Variants in CRAT observed in about 807,000 individuals in gnomAD.
The protein encoded by CRAT is carnitine O-acetyltransferase.
A neutral mutation model predicts 73.7 loss-of-function variants in CRAT; 66 were observed. The observed-to-expected ratio is 0.90, with a 90% confidence interval of 0.73 to 1.10. The LOEUF is 1.10. CRAT is among the 50% of genes least tolerant of loss of function. The pLI is 0.00. For missense variants in CRAT, 745 were observed against 846.9 expected (o/e 0.88, Z 1.49); for synonymous variants, 321 against 343.2 (o/e 0.94, Z 0.71).
At chr9:129,108,840 C>T (rs927983793) in intron 1 of CRAT, 37 of 1,304,070 alleles carry the variant, frequency 2.8e-5, no homozygotes, top group Non-Finnish European at 3.6e-5. Context: ...GGCTGGATCT[C>T]TAAGCCTAAC....
chr9:129,105,221 A>G (rs1847945560), intron 2 of CRAT, among the ~76,000 whole-genome samples: 1 of 151,660 alleles, frequency 6.6e-6, no homozygotes, highest in Non-Finnish European at 1.5e-5. Context: ...ACAAATTCTC[A>G]TCTTACACAT....
Position 129,107,312 on chromosome 9 carries a change from G to GT in CRAT, c.291+501dup, listed in dbSNP as rs756516241. On this transcript the variant is annotated intron_variant, in intron 2 of 13. Coordinates refer to ENST00000318080, the MANE Select transcript of CRAT (RefSeq NM_000755.5). This position sits in a 1 kb window ranked among gnomAD's most constrained non-coding sequence, Gnocchi z 5.0. ...CTCCCAAAGTGCTGGGATTATAGGT[G>GT]TGAGTCACTGCATCCAGCTGCCACT... 3.6e-4 allele frequency: 133 copies of GT among 368,920 alleles called. No homozygotes were observed. Among genetic ancestry groups the GT allele is most frequent in the Admixed American group, 5.5e-4 (13 of 23,646 alleles). 22.9% of individuals were successfully genotyped at this position (368,920 alleles called of 1,614,324 possible).
rs3750337 is a variant in CRAT, at chr9:129,104,064, C to G, written c.410+124G>C. The stretch of plus-strand genomic sequence containing the variant: ...CCATTTGTAAAATAGGGAGGATGCT[C>G]CCTACTTCATAAGGCTGCTTGTGGG... On this transcript the variant is annotated intron_variant, in intron 3 of 13. Coordinates refer to ENST00000318080, the MANE Select transcript of CRAT (RefSeq NM_000755.5). The G allele has an allele frequency of 1.2e-3, 734 of 632,244 alleles. 7 individuals are homozygous for G. The East Asian group carries it at 0.014, about 12-fold the overall frequency. The allele number at this position is 632,244 out of a possible 1,614,324, so 39.2% of individuals were successfully genotyped here.
chr9:129,095,757 C>T, intron 13 of CRAT, 145 bp from the exon 14 acceptor site: 2 of 950,998 alleles, frequency 2.1e-6, no homozygotes, highest in Non-Finnish European at 3.1e-6. Context: ...GCAACCACTA[C>T]AGGCTGGCAC....
chr9:129,095,449 G>A lies in CRAT; in HGVS notation c.1829C>T (p.Ala610Val), dbSNP rs1283563840. Residue 610 changes from alanine (A) to valine (V), a missense_variant, in exon 14 of 14, where the codon GCG (alanine) becomes GTG (valine). Transcript: ENST00000318080. ...CAGCAGGGCACGCATGTCCAGGAGC[G>A]CCTTCTCCAGGTAATGCGCCAGGCG... ...AARLAHYLEK[A>V]LLDMRALLQS... 29 of 1,613,040 alleles carry A rather than the reference G, an allele frequency of 1.8e-5. No individual in the cohort carries two copies. The highest frequency in any genetic ancestry group is 8.9e-5 in the East Asian group (4 of 44,904).
intron 13 of CRAT, 37 bp downstream of exon 13, chr9:129,095,961 G>A (rs1247424390): frequency 1.2e-6 from 2 of 1,613,062 alleles, no homozygotes; most frequent in East Asian, 4.5e-5. Flanking sequence ...TGGGTTCTCT[G>A]CCTCCAGCCC....
At chr9:129,101,840 A>G (rs1413231338) in intron 6 of CRAT, 43 bp downstream of exon 6, 2 of 1,596,626 alleles carry the variant, frequency 1.3e-6, no homozygotes, top group South Asian at 1.1e-5. Flanking sequence ...CAACAGGGGA[A>G]GAGGCCTGGG....
chr9:129,095,482 T>G lies in CRAT; in HGVS notation c.1796A>C (p.Asn599Thr). 6.2e-7 allele frequency: 1 copy of G among 1,613,406 alleles called. No individual in the cohort carries two copies. The highest frequency in any genetic ancestry group is 8.5e-7 in the Non-Finnish European group (1 of 1,179,980). The change falls in exon 14 of 14, where the codon AAC becomes ACC. Residue 599 changes from asparagine to threonine, a missense_variant. Transcript: ENST00000318080. ...CAGGTAATGCGCCAGGCGGGCGGCG[T>G]TGGTCTCCGCGCAGCTGTTGTAGGC... is the stretch of plus-strand genomic sequence containing the variant. ...LSAYNSCAET[N>T]AARLAHYLEK...
intron 1 of CRAT, chr9:129,108,346 G>A: frequency 8.1e-7 from 1 of 1,232,114 alleles, no homozygotes; most frequent in Non-Finnish European, 1.0e-6. Flanking sequence ...CGGCACCTTT[G>A]GGGTGGCAGA....
At chr9:129,108,680 G>A (rs2131499654) in intron 1 of CRAT, 1 of 1,279,636 alleles carries the variant, frequency 7.8e-7, no homozygotes, top group Middle Eastern at 2.9e-4. Context: ...GAAAGTCCAG[G>A]AGGCCCTGGA....
In CRAT at chr9:129,095,741, A is replaced by G. The variant is rs984874386; in HGVS notation, c.1666-129T>C. ...GGGATCATGGTCTGTCCCCTGCTATATCCCAGCAACCACTACAGGCTGGCA... is the reference window on the plus strand; with the variant it reads ...GGGATCATGGTCTGTCCCCTGCTATGTCCCAGCAACCACTACAGGCTGGCA... On this transcript the variant is annotated intron_variant, in intron 13 of 13. Coordinates refer to ENST00000318080, the MANE Select transcript of CRAT (RefSeq NM_000755.5). 1.2e-5 allele frequency: 12 copies of G among 1,023,070 alleles called. No individual in the cohort carries two copies. The African/African-American group carries it at 1.8e-4, about 15-fold the overall frequency. The allele number at this position is 1,023,070 out of a possible 1,614,324, so 63.4% of individuals were successfully genotyped here.
At chr9:129,104,945 C>T (rs1177970721) in intron 2 of CRAT, among the ~76,000 whole-genome samples, 16 of 118,634 alleles carry the variant, frequency 1.3e-4, no homozygotes, top group African/African-American at 1.9e-4. Context: ...CTGTCCCCCA[C>T]GCTGGAGTGC....
chr9:129,109,539 G>A (rs1848250924), intron 1 of CRAT, among the ~76,000 whole-genome samples: 1 of 152,208 alleles, frequency 6.6e-6, no homozygotes, highest in Non-Finnish European at 1.5e-5. Context: ...GGGACTCTGG[G>A]CAAGTCCCTC....
chr9:129,095,485 G>A lies in CRAT; in HGVS notation c.1793C>T (p.Thr598Ile), dbSNP rs1847219889. 2 of 1,613,366 alleles carry A rather than the reference G, an allele frequency of 1.2e-6. No homozygotes were observed. The highest frequency in any genetic ancestry group is 2.7e-5 in the African/African-American group (2 of 74,934). The change falls in exon 14 of 14, where the codon ACC becomes ATC. Residue 598 changes from threonine to isoleucine, a missense_variant. Coordinates refer to ENST00000318080, the MANE Select transcript of CRAT (RefSeq NM_000755.5). Reference protein sequence around the residue: ...SLSAYNSCAETNAARLAHYLE... With the variant: ...SLSAYNSCAEINAARLAHYLE... ...GTAATGCGCCAGGCGGGCGGCGTTG[G>A]TCTCCGCGCAGCTGTTGTAGGCCGA...
At position 129,103,852 on chromosome 9, in the gene CRAT, T is replaced by C. The variant is rs1038508811; in HGVS notation, c.410+336A>G. ...TACAGAGGTCACCCCTGTGGCTAGC[T>C]GAGAAGAGTGGAAAGGAGAGGTGAA... On this transcript the variant is annotated intron_variant, in intron 3 of 13. Transcript: ENST00000318080. The surrounding 1 kb of genome is among the most constrained non-coding windows in gnomAD (Gnocchi z 4.6). 3.9e-5 allele frequency among the ~76,000 whole-genome samples: 6 copies of C among 152,050 alleles called. No homozygotes were observed. Among genetic ancestry groups the C allele is most frequent in the Admixed American group, 2.0e-4 (3 of 15,252 alleles).
intron 5 of CRAT, 146 bp downstream of exon 5, chr9:129,102,253 GC>G: frequency 7.8e-7 from 1 of 1,275,616 alleles, no homozygotes; most frequent in Non-Finnish European, 1.1e-6. Context: ...GCCTCCCTGG[GC>G]CCCCAATGGA....
chr9:129,105,199 C>T (rs879918534), intron 2 of CRAT, among the ~76,000 whole-genome samples: 3 of 152,140 alleles, frequency 2.0e-5, no homozygotes, highest in Non-Finnish European at 4.4e-5. Context: ...GCCACCGCGC[C>T]CGGCAAGGTG....
chr9:129,097,212 TA>T, intron 12 of CRAT, 37 bp downstream of exon 12: 1 of 1,511,724 alleles, frequency 6.6e-7, no homozygotes, highest in East Asian at 2.5e-5. Context: ...TGGCTGACAC[TA>T]AGGGACAAGT....
At chr9:129,100,755 C>T (rs1376355764) in intron 6 of CRAT, 66 bp from the exon 7 acceptor site, 2 of 1,523,612 alleles carry the variant, frequency 1.3e-6, no homozygotes, top group East Asian at 2.4e-5. Context: ...ATGGACCAGC[C>T]CCTCCGCAGC....
Sources: gnomAD v4.1 joint callset for allele counts (sites outside exome capture counted in the v4.1 genomes callset) on GRCh38, gnomAD v4.1.1 for gene constraint, Gnocchi (gnomAD v3.1) non-coding constraint, MANE v1.5 for transcripts, NCBI Gene and HGNC (gene_info 2026-07-23, HGNC 2026-07-21) for gene names.